The following PLCB1 variants were observed in gnomAD, a reference collection of about 807,000 sequenced individuals.
PLCB1 encodes the protein phospholipase C beta 1.
Under a neutral mutation model 161.8 loss-of-function variants are expected in PLCB1, and 46 were observed. That is an observed-to-expected ratio of 0.28 (90% CI 0.22 to 0.36). The LOEUF (loss-of-function observed/expected upper bound fraction) is 0.36, where lower values mean the gene tolerates loss of function less well. Ranked by LOEUF, PLCB1 falls within the 10% of genes least tolerant of loss-of-function variation. PLCB1 has a pLI of 1.00. For synonymous variants in PLCB1, 517 were observed against 503.7 expected (o/e 1.03, Z -0.35); for missense variants, 1,016 against 1,472.5 (o/e 0.69, Z 5.07).
intron 26 of PLCB1, among the ~76,000 whole-genome samples, chr20:8,772,465 A>C (rs1453511284): frequency 2.0e-5 from 3 of 152,052 alleles, no homozygotes; most frequent in Non-Finnish European, 4.4e-5. Context: ...CAATTATCTC[A>C]CAGAGCCGTG....
intron 2 of PLCB1, among the ~76,000 whole-genome samples, chr20:8,193,405 A>AT (rs2051990515): frequency 2.6e-5 from 4 of 151,986 alleles, no homozygotes; most frequent in Admixed American, 6.6e-5. Context: ...AAAAGAAAAA[A>AT]TTTTTAAAAA....
At chr20:8,536,486 C>T (rs1029776287) in intron 3 of PLCB1, among the ~76,000 whole-genome samples, 1 of 152,122 alleles carries the variant, frequency 6.6e-6, no homozygotes, top group Non-Finnish European at 1.5e-5. Flanking sequence ...ACCCAAAAAA[C>T]CTACATAGGC....
At chr20:8,573,296 A>T (rs1986580120) in intron 3 of PLCB1, among the ~76,000 whole-genome samples, 1 of 152,172 alleles carries the variant, frequency 6.6e-6, no homozygotes, top group Admixed American at 6.5e-5. Context: ...CATTCAAGTG[A>T]ATATTCAGGA....
intron 3 of PLCB1, among the ~76,000 whole-genome samples, chr20:8,381,229 T>C (rs1038107953): frequency 6.6e-6 from 1 of 152,248 alleles, no homozygotes; most frequent in Non-Finnish European, 1.5e-5. Context: ...GTTCTGTTTA[T>C]GTGATGGATT....
In PLCB1 at chr20:8,847,747, T is replaced by G. The variant is rs73605757; in HGVS notation, c.3424-33875T>G. On this transcript the variant is annotated intron_variant, in intron 31 of 31. Transcript: ENST00000338037. ...AGCTTCAATAATTTACTAGAACAGC[T>G]CACAGAACTCAGAAAATCCACTTTA... 8.7e-3 allele frequency among the ~76,000 whole-genome samples: 1,327 copies of G among 152,198 alleles called. 23 individuals carry two copies. The highest frequency in any genetic ancestry group is 0.03 in the African/African-American group (1,237 of 41,526).
At chr20:8,741,197 C>T (rs1295152619) in intron 22 of PLCB1, among the ~76,000 whole-genome samples, 1 of 152,192 alleles carries the variant, frequency 6.6e-6, no homozygotes, top group Middle Eastern at 3.2e-3. Context: ...GAACTAAACT[C>T]TTAATTTCTC....
intron 3 of PLCB1, among the ~76,000 whole-genome samples, chr20:8,409,671 C>A (rs1471604858): frequency 6.6e-6 from 1 of 151,954 alleles, no homozygotes; most frequent in Non-Finnish European, 1.5e-5. Flanking sequence ...CCATGTTGGC[C>A]AGGCTGGTCC....
intron 2 of PLCB1, among the ~76,000 whole-genome samples, chr20:8,276,941 CTT>C (rs1982584079): frequency 1.7e-5 from 1 of 58,792 alleles, no homozygotes; most frequent in Non-Finnish European, 4.0e-5. Flanking sequence ...TCTTCTTCTT[CTT>C]CTTCTTCTTC....
At chr20:8,871,056 AT>A (rs1162157282) in intron 31 of PLCB1, among the ~76,000 whole-genome samples, 1 of 152,158 alleles carries the variant, frequency 6.6e-6, no homozygotes, top group Non-Finnish European at 1.5e-5. Flanking sequence ...ATCCCCAGAG[AT>A]TTTGTATGTA....
intron 31 of PLCB1, among the ~76,000 whole-genome samples, chr20:8,826,495 CAAA>C (rs5840291): frequency 4.9e-5 from 6 of 123,092 alleles, no homozygotes; most frequent in Admixed American, 7.9e-5. Flanking sequence ...GACTCCGTCT[CAAA>C]AAAAAAAAAA....
At position 8,210,364 on chromosome 20, in the gene PLCB1, A is replaced by G. The variant is rs80096393; in HGVS notation, c.177+59993A>G. Among the ~76,000 whole-genome samples, 444 of 152,290 alleles carry G rather than the reference A, an allele frequency of 2.9e-3. 4 individuals are homozygous for G. The highest frequency in any genetic ancestry group is 0.01 in the African/African-American group (423 of 41,578). On this transcript the variant is annotated intron_variant, in intron 2 of 31. Coordinates refer to ENST00000338037, the MANE Select transcript of PLCB1 (RefSeq NM_015192.4). ...CTTTGAACTCCTAAGTTATATGCCA[A>G]AAAACATCATCAGTGCTTTGTCACC... is the stretch of plus-strand genomic sequence containing the variant.
At chr20:8,375,767 T>C (rs548931671) in intron 3 of PLCB1, among the ~76,000 whole-genome samples, 5 of 152,162 alleles carry the variant, frequency 3.3e-5, no homozygotes, top group Non-Finnish European at 5.9e-5. Flanking sequence ...ATCTATGAAA[T>C]GGGGCATGGG....
intron 2 of PLCB1, among the ~76,000 whole-genome samples, chr20:8,199,577 TTATTTGG>T (rs1207614584): frequency 6.6e-6 from 1 of 152,124 alleles, no homozygotes; most frequent in Non-Finnish European, 1.5e-5. Flanking sequence ...TATTTCAACC[TTATTTGG>T]TGATTTGTTG....
intron 2 of PLCB1, among the ~76,000 whole-genome samples, chr20:8,303,913 G>A (rs1409073017): frequency 6.6e-6 from 1 of 152,160 alleles, no homozygotes; most frequent in African/African-American, 2.4e-5. Context: ...ATTTCCAGCA[G>A]GAAATGAGTG....
intron 2 of PLCB1, among the ~76,000 whole-genome samples, chr20:8,316,849 G>A (rs905476599): frequency 6.6e-6 from 1 of 152,044 alleles, no homozygotes; most frequent in South Asian, 2.1e-4. Context: ...GGGGATCATA[G>A]GACTCTTGTT....
At chr20:8,339,716 G>C (rs902020229) in intron 2 of PLCB1, among the ~76,000 whole-genome samples, 3 of 152,200 alleles carry the variant, frequency 2.0e-5, no homozygotes, top group Non-Finnish European at 1.5e-5. Context: ...GTCATGAGCT[G>C]TCTCTTACAA....
chr20:8,764,717 A>G (rs1485207374), intron 25 of PLCB1, among the ~76,000 whole-genome samples: 1 of 152,036 alleles, frequency 6.6e-6, no homozygotes, highest in East Asian at 1.9e-4. Flanking sequence ...CAGTGGTACA[A>G]CTCACACTCC....
At chr20:8,761,470 C>T (rs776159836) in intron 25 of PLCB1, among the ~76,000 whole-genome samples, 7 of 152,078 alleles carry the variant, frequency 4.6e-5, no homozygotes, top group Non-Finnish European at 8.8e-5. Context: ...ATAAAATATG[C>T]GTAGAAAAAT....
At chr20:8,253,458 T>A (rs1455883723) in intron 2 of PLCB1, among the ~76,000 whole-genome samples, 1 of 151,954 alleles carries the variant, frequency 6.6e-6, no homozygotes, top group African/African-American at 2.4e-5. Context: ...TCAGGTGACT[T>A]TAATTTGCCA....
Sources: gnomAD v4.1 joint callset for allele counts (sites outside exome capture counted in the v4.1 genomes callset) on GRCh38, gnomAD v4.1.1 for gene constraint, MANE v1.5 for transcripts, NCBI Gene and HGNC (gene_info 2026-07-23, HGNC 2026-07-21) for gene names.